AXDND1: variants seen among roughly 807,000 people sequenced by gnomAD.
AXDND1 encodes axonemal dynein light chain domain containing 1.
A neutral mutation model predicts 137.5 loss-of-function variants in AXDND1; 110 were observed. That is an observed-to-expected ratio of 0.80 (90% CI 0.69 to 0.94). The LOEUF is 0.94. Ranked by LOEUF, AXDND1 falls within the 40% of genes least tolerant of loss-of-function variation. The pLI, the probability that AXDND1 is intolerant of heterozygous loss-of-function variation, is 0.00. For synonymous variants in AXDND1, 414 were observed against 399.7 expected, an observed-to-expected ratio of 1.04 and a Z score of -0.43; for missense variants, 1,191 against 1,169.8, an observed-to-expected ratio of 1.02 and a Z score of -0.26.
At chr1:179,401,258 C>CAAAAAAAAAAAAA (rs201354000) in intron 11 of AXDND1, among the ~76,000 whole-genome samples, 2 of 83,680 alleles carry the variant, frequency 2.4e-5, no homozygotes, top group South Asian at 4.6e-4. Flanking sequence ...AACTCCATCT[C>CAAAAAAAAAAAAA]AAAAAAAAAA....
Position 179,430,380 on chromosome 1 carries a change from C to G in AXDND1, c.1333-72C>G. 4 of 1,140,290 alleles carry G rather than the reference C, an allele frequency of 3.5e-6. No homozygotes were observed. The South Asian group carries it at 5.9e-5, about 17-fold the overall frequency. 70.6% of individuals were successfully genotyped at this position (1,140,290 alleles called of 1,614,324 possible). Reference sequence around the variant, plus strand: ...CTAGTATTACAATATTAATAATGGCCTGGTATATGTTAATGACTATTTGTT... The same window carrying G: ...CTAGTATTACAATATTAATAATGGCGTGGTATATGTTAATGACTATTTGTT... On this transcript the variant is annotated intron_variant, in intron 13 of 25. Transcript: ENST00000367618.
chr1:179,432,931 A>T (rs1657603237), intron 15 of AXDND1, among the ~76,000 whole-genome samples: 1 of 152,086 alleles, frequency 6.6e-6, no homozygotes, highest in Non-Finnish European at 1.5e-5. Flanking sequence ...GTTAAGTTTT[A>T]TGAACAACAA....
intron 20 of AXDND1, among the ~76,000 whole-genome samples, chr1:179,494,117 A>T (rs1667210160): frequency 6.6e-6 from 1 of 151,928 alleles, no homozygotes; most frequent in Admixed American, 6.6e-5. Context: ...ATGCCGGGCT[A>T]ATTTTTGTAT....
chr1:179,480,293 A>G (rs1181759187), intron 17 of AXDND1, among the ~76,000 whole-genome samples: 1 of 152,192 alleles, frequency 6.6e-6, no homozygotes, highest in Non-Finnish European at 1.5e-5. Flanking sequence ...ATCCTGGTGG[A>G]AGGTGAAAGG....
In AXDND1 at chr1:179,432,296, GA is replaced by G. The variant is rs754952651; in HGVS notation, c.1520del (p.Asn507IlefsTer8). 3.5e-5 allele frequency: 55 copies of G among 1,569,176 alleles called. No individual in the cohort carries two copies. The highest frequency in any genetic ancestry group is 4.5e-5 in the Non-Finnish European group (52 of 1,155,116). ...AAAGACATTTTATCCCCTAATAAGG[GA>G]AATATATTTAATTCAGTTCTTTTAG... The part of the protein sequence containing the change: ...NEKDILSPNK[G>X]NIFNSVLLDF... On this transcript the variant is annotated frameshift_variant, in exon 15 of 26. Coordinates refer to ENST00000367618, the MANE Select transcript of AXDND1 (RefSeq NM_144696.6). LOFTEE classifies it high-confidence loss of function.
chr1:179,413,905 G>GT (rs914921377), intron 12 of AXDND1, among the ~76,000 whole-genome samples: 55 of 148,470 alleles, frequency 3.7e-4, no homozygotes, highest in African/African-American at 4.4e-4. Flanking sequence ...GTCAACATCT[G>GT]TTTTTTTTTT....
intron 12 of AXDND1, among the ~76,000 whole-genome samples, chr1:179,418,643 A>C (rs1655095805): frequency 6.9e-6 from 1 of 145,334 alleles, no homozygotes; most frequent in South Asian, 2.2e-4. Context: ...TCCCTCCCGG[A>C]CGGGGCGGCT....
At chr1:179,428,020 A>G (rs2125300553) in intron 12 of AXDND1, among the ~76,000 whole-genome samples, 1 of 152,324 alleles carries the variant, frequency 6.6e-6, no homozygotes, top group Non-Finnish European at 1.5e-5. Flanking sequence ...ACTGCATGAA[A>G]TGATTCTCAA....
chr1:179,446,777 A>G (rs549673010), intron 16 of AXDND1, among the ~76,000 whole-genome samples: 1 of 149,058 alleles, frequency 6.7e-6, no homozygotes, highest in Non-Finnish European at 1.5e-5. Flanking sequence ...AATTCTAAAC[A>G]CTTTATCTTT....
At chr1:179,498,924 A>C (rs1667725795) in intron 20 of AXDND1, among the ~76,000 whole-genome samples, 2 of 150,482 alleles carry the variant, frequency 1.3e-5, no homozygotes, top group African/African-American at 4.9e-5. Flanking sequence ...TCAAAAAAAA[A>C]CAACAGATGC....
At chr1:179,535,402 T>C (rs957939997) in intron 25 of AXDND1, among the ~76,000 whole-genome samples, 5 of 152,024 alleles carry the variant, frequency 3.3e-5, no homozygotes, top group African/African-American at 1.2e-4. Flanking sequence ...GGCCCCAGTG[T>C]GTGATGTTCC....
At chr1:179,383,667 A>C (rs1648751324) in intron 8 of AXDND1, 123 bp downstream of exon 8, 4 of 664,472 alleles carry the variant, frequency 6.0e-6, no homozygotes, top group East Asian at 5.5e-5. Flanking sequence ...CATTTAATGT[A>C]TTTGTACCTC....
intron 18 of AXDND1, among the ~76,000 whole-genome samples, chr1:179,489,686 T>C (rs2225213): frequency 0.55 from 83,013 of 151,234 alleles, 23,112 homozygotes; most frequent in East Asian, 0.76. Flanking sequence ...ACAACCTTCC[T>C]GTCTGAATCA....
intron 11 of AXDND1, among the ~76,000 whole-genome samples, chr1:179,400,934 A>T (rs1168151495): frequency 6.7e-6 from 1 of 149,462 alleles, no homozygotes; most frequent in Non-Finnish European, 1.5e-5. Flanking sequence ...AAAAGAAAAA[A>T]AAAAGGACAC....
intron 6 of AXDND1, 118 bp from the exon 7 acceptor site, chr1:179,382,582 A>T: frequency 1.5e-6 from 1 of 664,090 alleles, no homozygotes; most frequent in East Asian, 2.8e-5. Context: ...AGCAGTACTC[A>T]TTCCTTTTAG....
At chr1:179,471,887 ATTTTCTTTTT>A (rs1454596618) in intron 17 of AXDND1, among the ~76,000 whole-genome samples, 54 of 148,856 alleles carry the variant, frequency 3.6e-4, no homozygotes, top group African/African-American at 1.2e-3. Flanking sequence ...TTGTGTCTTC[ATTTTCTTTTT>A]TTTTCTTTTT....
intron 9 of AXDND1, among the ~76,000 whole-genome samples, chr1:179,390,095 C>T (rs1167427299): frequency 1.3e-5 from 2 of 151,674 alleles, no homozygotes; most frequent in African/African-American, 2.4e-5. Flanking sequence ...CTCACTGCAA[C>T]CTCTGCCTCC....
chr1:179,458,244 A>G (rs949583717), intron 16 of AXDND1, among the ~76,000 whole-genome samples: 4 of 151,956 alleles, frequency 2.6e-5, no homozygotes, highest in Non-Finnish European at 4.4e-5. Context: ...TGGCCTCCCA[A>G]AGTGCTGAGA....
At chr1:179,406,738 A>G (rs1296553447) in intron 11 of AXDND1, among the ~76,000 whole-genome samples, 4 of 151,980 alleles carry the variant, frequency 2.6e-5, no homozygotes, top group East Asian at 3.9e-4. Context: ...TTTAGGCTAT[A>G]TATGTTTTCG....
Sources: gnomAD v4.1 joint callset for allele counts (sites outside exome capture counted in the v4.1 genomes callset) on GRCh38, gnomAD v4.1.1 for gene constraint, MANE v1.5 for transcripts, NCBI Gene and HGNC (gene_info 2026-07-23, HGNC 2026-07-21) for gene names.